DCDC2: variants seen among roughly 807,000 people sequenced by gnomAD.
The protein encoded by DCDC2 is doublecortin domain-containing protein 2.
DCDC2 carries 40 observed loss-of-function variants against 50.2 expected under a neutral mutation model. The observed-to-expected ratio is 0.80, with a 90% CI of 0.62 to 1.04. The LOEUF (loss-of-function observed/expected upper bound fraction) is 1.04. Ranked by LOEUF, DCDC2 falls within the 50% of genes least tolerant of loss-of-function variation. DCDC2 has a pLI of 0.00. For synonymous variants in DCDC2, 234 were observed against 210.6 expected (o/e 1.11, Z -0.96); for missense variants, 570 against 581.9 (o/e 0.98, Z 0.21).
chr6:24,173,823 T>C lies in DCDC2; in HGVS notation c.*907A>G, dbSNP rs575029853. ...GCAGTCACAAACTCTTCATATAGTC[T>C]ACTTTTTTCTTCCTAATACACTTTT... On this transcript the variant is annotated 3_prime_UTR_variant, in exon 10 of 10. Transcript: ENST00000378454. 3.3e-5 allele frequency: 5 copies of C among 152,326 alleles called. No homozygotes were observed. In the East Asian group the frequency reaches 9.6e-4, roughly 29 times the overall value. 9.4% of individuals were successfully genotyped at this position (152,326 alleles called of 1,614,324 possible).
At chr6:24,268,012 A>C (rs1272539584) in intron 7 of DCDC2, among the ~76,000 whole-genome samples, 2 of 152,192 alleles carry the variant, frequency 1.3e-5, no homozygotes, top group Non-Finnish European at 2.9e-5. Context: ...TCTAAAGAAC[A>C]ATAATCCCAC....
chr6:24,278,469 T>A (rs1310048043), intron 6 of DCDC2, among the ~76,000 whole-genome samples: 2 of 152,166 alleles, frequency 1.3e-5, no homozygotes, highest in African/African-American at 4.8e-5. Context: ...TCTATAAAAT[T>A]GTATTCACTC....
intron 7 of DCDC2, among the ~76,000 whole-genome samples, chr6:24,274,156 A>G (rs1324028203): frequency 6.6e-6 from 1 of 152,218 alleles, no homozygotes; most frequent in African/African-American, 2.4e-5. Context: ...AGACCAGGCC[A>G]TTTTCTCTGC....
chr6:24,347,410 A>G (rs1209084437), intron 2 of DCDC2, among the ~76,000 whole-genome samples: 1 of 152,208 alleles, frequency 6.6e-6, no homozygotes, highest in Non-Finnish European at 1.5e-5. Flanking sequence ...CAGCCCTCAT[A>G]TGGATAAGTT....
intron 2 of DCDC2, among the ~76,000 whole-genome samples, chr6:24,347,581 G>A (rs1180603040): frequency 5.3e-5 from 8 of 152,112 alleles, no homozygotes; most frequent in African/African-American, 1.4e-4. Flanking sequence ...TAAAGTATAC[G>A]GGGGGATGTG....
At chr6:24,369,914 T>C in the DCDC2 span, among the ~76,000 whole-genome samples, 2 of 151,068 alleles carry the variant, frequency 1.3e-5, no homozygotes, top group African/African-American at 4.9e-5. Context: ...TGGTGGTGCA[T>C]GCCTGTGGTC....
Position 24,218,345 on chromosome 6 carries a change from G to A in DCDC2, c.923-13243C>T, listed in dbSNP as rs144195961. Among the ~76,000 whole-genome samples the A allele has an allele frequency of 3.9e-5, 6 of 152,290 alleles. No homozygotes were observed. The East Asian group carries it at 9.6e-4, about 24-fold the overall frequency. ...CATTTTTTTCACTTGGATTAAGGTT[G>A]CTCCAACAACAGATATTGATTGAGC... On this transcript the variant is annotated intron_variant, in intron 7 of 9. Coordinates refer to ENST00000378454, the MANE Select transcript of DCDC2 (RefSeq NM_016356.5).
intron 7 of DCDC2, among the ~76,000 whole-genome samples, chr6:24,224,331 C>T (rs995475758): frequency 3.9e-5 from 6 of 152,180 alleles, no homozygotes; most frequent in Admixed American, 2.0e-4. Context: ...CAGAGCCCTG[C>T]GCTTCAAAAG....
intron 7 of DCDC2, among the ~76,000 whole-genome samples, chr6:24,222,882 T>C (rs948033188): frequency 1.1e-4 from 16 of 152,228 alleles, no homozygotes; most frequent in Non-Finnish European, 2.4e-4. Context: ...TCCAATCATA[T>C]TTGCTTATTT....
chr6:24,172,606 T>C lies in DCDC2; in HGVS notation c.*2124A>G, dbSNP rs751927251. 3 of 151,992 alleles carry C rather than the reference T, an allele frequency of 2.0e-5. No homozygotes were observed. Among genetic ancestry groups the C allele is most frequent in the Non-Finnish European group, 2.9e-5 (2 of 68,026 alleles). The allele number at this position is 151,992 out of a possible 1,614,324, so 9.4% of individuals were successfully genotyped here. A position where few individuals can be genotyped will look rare whatever the true frequency, so the allele number is the denominator to read the frequency against. The stretch of plus-strand genomic sequence containing the variant: ...AACAAAAGAGAATCACCTTGATAAT[T>C]AGTTATAATTTCTTACATTTAATCA... On this transcript the variant is annotated 3_prime_UTR_variant, in exon 10 of 10. Transcript: ENST00000378454.
At chr6:24,295,666 T>C (rs927443972) in intron 4 of DCDC2, among the ~76,000 whole-genome samples, 55 of 152,314 alleles carry the variant, frequency 3.6e-4, no homozygotes, top group African/African-American at 1.3e-3. Flanking sequence ...GTAGCATTCC[T>C]ATACTCCAAC....
At chr6:24,282,651 G>A (rs1464650174) in intron 6 of DCDC2, among the ~76,000 whole-genome samples, 2 of 151,932 alleles carry the variant, frequency 1.3e-5, no homozygotes, top group Non-Finnish European at 2.9e-5. Flanking sequence ...CCATGAAAAT[G>A]TGCCAAAAAC....
At chr6:24,192,515 A>C (rs1451991800) in intron 8 of DCDC2, among the ~76,000 whole-genome samples, 2 of 152,292 alleles carry the variant, frequency 1.3e-5, no homozygotes, top group East Asian at 1.9e-4. Flanking sequence ...CCTCAGAAGA[A>C]AAAAACATAG....
intron 7 of DCDC2, among the ~76,000 whole-genome samples, chr6:24,208,448 G>T (rs768084099): frequency 1.5e-5 from 2 of 129,548 alleles, no homozygotes; most frequent in Non-Finnish European, 3.1e-5. Context: ...TCCGCTCACC[G>T]CAAGCTCCGC....
rs1760973515 is a variant in DCDC2, at chr6:24,178,411, C to T, written c.1245G>A (p.Glu415=). The T allele has an allele frequency of 6.2e-7, 1 of 1,614,196 alleles. No homozygotes were observed. Among genetic ancestry groups the T allele is most frequent in the East Asian group, 2.2e-5 (1 of 44,874 alleles). ...NGGTDEENGE[E]LQQVNNELQL... is the part of the protein sequence containing the mutation. Reference sequence around the variant, plus strand: ...GAAGCTCATTATTAACCTGCTGCAGCTCCTCACCATTCTCCTCATCGGTGC... The same window carrying T: ...GAAGCTCATTATTAACCTGCTGCAGTTCCTCACCATTCTCCTCATCGGTGC... Residue 415 remains glutamate (E), a synonymous_variant, in exon 9 of 10, where the codon GAG becomes GAA. Transcript: ENST00000378454.
chr6:24,358,973 T>TA (rs1357133418), upstream of DCDC2, among the ~76,000 whole-genome samples: 2 of 49,544 alleles, frequency 4.0e-5, no homozygotes, highest in Non-Finnish European at 6.3e-5. Context: ...TATTATATAT[T>TA]TTATACATTA....
At chr6:24,316,384 G>A (rs529653991) in intron 2 of DCDC2, among the ~76,000 whole-genome samples, 1 of 152,092 alleles carries the variant, frequency 6.6e-6, no homozygotes, top group Non-Finnish European at 1.5e-5. Flanking sequence ...AGGTAGGAGA[G>A]TGCAATGGTA....
chr6:24,374,447 G>T, the DCDC2 span, among the ~76,000 whole-genome samples: 5 of 151,842 alleles, frequency 3.3e-5, no homozygotes, highest in Non-Finnish European at 5.9e-5. Context: ...AGGCATGGTG[G>T]CTCACATCTG....
chr6:24,219,980 G>A (rs1413225989), intron 7 of DCDC2, among the ~76,000 whole-genome samples: 3 of 152,180 alleles, frequency 2.0e-5, no homozygotes, highest in African/African-American at 4.8e-5. Context: ...GATGACCAAG[G>A]ATAATTCTGT....
Sources: allele counts gnomAD v4.1 joint callset (sites outside exome capture counted in the v4.1 genomes callset), GRCh38; gene constraint gnomAD v4.1.1; transcripts MANE v1.5; gene names NCBI Gene and HGNC (gene_info 2026-07-23, HGNC 2026-07-21).